GALNT13: variants seen among roughly 807,000 people sequenced by gnomAD.
GALNT13 encodes UDP-GalNAc:polypeptide N-acetylgalactosaminyltransferase 13.
Under a neutral mutation model 64.2 loss-of-function variants are expected in GALNT13, and 28 were observed. That is an observed-to-expected ratio of 0.44 (90% CI 0.32 to 0.60). The LOEUF is 0.60. Among genes scored for constraint, GALNT13 ranks in the 20% least tolerant of loss-of-function variants. GALNT13 has a pLI of 0.05. For synonymous variants in GALNT13, 214 were observed against 224.6 expected, an observed-to-expected ratio of 0.95 and a Z score of 0.42; for missense variants, 577 against 669.8, an observed-to-expected ratio of 0.86 and a Z score of 1.53.
the GALNT13 span, among the ~76,000 whole-genome samples, chr2:153,493,505 TACTC>T: frequency 6.6e-6 from 1 of 152,016 alleles, no homozygotes; most frequent in African/African-American, 2.4e-5. Context: ...AAAGCCTTCT[TACTC>T]AGAAATTTTC....
At chr2:153,143,438 T>A in the GALNT13 span, among the ~76,000 whole-genome samples, 19 of 152,178 alleles carry the variant, frequency 1.2e-4, no homozygotes, top group Non-Finnish European at 2.4e-4. Context: ...TCATCCTGCC[T>A]GTTTCCTTCC....
At chr2:153,589,925 T>C in the GALNT13 span, among the ~76,000 whole-genome samples, 2 of 151,746 alleles carry the variant, frequency 1.3e-5, no homozygotes, top group Admixed American at 6.6e-5. Context: ...AGCAGAAAAA[T>C]TAAAAGTCAA....
the GALNT13 span, among the ~76,000 whole-genome samples, chr2:153,076,397 A>G: frequency 6.6e-6 from 1 of 151,994 alleles, no homozygotes; most frequent in Non-Finnish European, 1.5e-5. Flanking sequence ...TTTTCCCAGT[A>G]TATTATTTGT....
the GALNT13 span, among the ~76,000 whole-genome samples, chr2:153,465,338 G>C: frequency 1.3e-5 from 2 of 151,932 alleles, no homozygotes; most frequent in East Asian, 3.9e-4. Flanking sequence ...TTGCAGTTCT[G>C]TGCAGATTCT....
chr2:154,291,220 C>T (rs1486973577), intron 8 of GALNT13, among the ~76,000 whole-genome samples: 2 of 152,126 alleles, frequency 1.3e-5, no homozygotes, highest in African/African-American at 2.4e-5. Context: ...GCTGATTGGG[C>T]TGTTTTCACA....
chr2:153,911,859 G>A (rs781398824), intron 2 of GALNT13, among the ~76,000 whole-genome samples: 8 of 151,954 alleles, frequency 5.3e-5, no homozygotes, highest in Non-Finnish European at 1.2e-4. Flanking sequence ...TTCAGCCTTG[G>A]AGAATATGAT....
chr2:154,107,863 G>A (rs1168347151), intron 3 of GALNT13, among the ~76,000 whole-genome samples: 1 of 151,886 alleles, frequency 6.6e-6, no homozygotes, highest in Non-Finnish European at 1.5e-5. Flanking sequence ...TGTAGTAATT[G>A]TATATCTATG....
chr2:153,265,745 C>T, the GALNT13 span, among the ~76,000 whole-genome samples: 1 of 152,150 alleles, frequency 6.6e-6, no homozygotes, highest in Non-Finnish European at 1.5e-5. Flanking sequence ...TTCTATTCAG[C>T]TATTTTGCTC....
At chr2:153,419,307 A>G in the GALNT13 span, among the ~76,000 whole-genome samples, 2 of 152,224 alleles carry the variant, frequency 1.3e-5, no homozygotes, top group Non-Finnish European at 2.9e-5. Flanking sequence ...CCATGATTCA[A>G]TTATCTCCAC....
chr2:153,380,192 A>G, the GALNT13 span, among the ~76,000 whole-genome samples: 1 of 152,138 alleles, frequency 6.6e-6, no homozygotes, highest in African/African-American at 2.4e-5. Context: ...GGATGGTTGC[A>G]CCTGTACTGA....
chr2:154,432,124 A>T (rs1385945996), intron 11 of GALNT13, among the ~76,000 whole-genome samples: 1 of 152,234 alleles, frequency 6.6e-6, no homozygotes, highest in African/African-American at 2.4e-5. Context: ...TCAGAAGCAG[A>T]AATCATTACG....
the GALNT13 span, among the ~76,000 whole-genome samples, chr2:153,644,108 A>G: frequency 2.6e-5 from 4 of 152,062 alleles, no homozygotes; most frequent in Non-Finnish European, 5.9e-5. Flanking sequence ...GAAAGGAGGG[A>G]CACTGTCATT....
At chr2:154,105,824 G>T (rs555873534) in intron 3 of GALNT13, among the ~76,000 whole-genome samples, 2 of 152,264 alleles carry the variant, frequency 1.3e-5, no homozygotes, top group East Asian at 3.9e-4. Flanking sequence ...GTGCAGTGAA[G>T]AGACTAAATT....
intron 11 of GALNT13, among the ~76,000 whole-genome samples, chr2:154,430,563 CTG>C (rs1279241255): frequency 6.6e-6 from 1 of 152,132 alleles, no homozygotes; most frequent in African/African-American, 2.4e-5. Context: ...GCTGTGAACA[CTG>C]TTGAAATGAC....
At chr2:153,309,478 A>G in the GALNT13 span, among the ~76,000 whole-genome samples, 1 of 151,922 alleles carries the variant, frequency 6.6e-6, no homozygotes, top group African/African-American at 2.4e-5. Flanking sequence ...ATCTTTCACC[A>G]CTTCTCCCTA....
chr2:153,474,218 G>A, the GALNT13 span, among the ~76,000 whole-genome samples: 5 of 152,166 alleles, frequency 3.3e-5, no homozygotes, highest in African/African-American at 4.8e-5. Flanking sequence ...GAGAGAACAC[G>A]TTAAACCAAT....
the GALNT13 span, among the ~76,000 whole-genome samples, chr2:153,380,385 T>C: frequency 6.6e-6 from 1 of 152,046 alleles, no homozygotes; most frequent in African/African-American, 2.4e-5. Flanking sequence ...AGGCAGAAGA[T>C]TGCTTAAGCA....
chr2:153,824,433 G>A, the GALNT13 span, among the ~76,000 whole-genome samples: 1,446 of 152,186 alleles, frequency 9.5e-3, 18 homozygotes, highest in Admixed American at 0.012. Flanking sequence ...TGTCTTTTTG[G>A]TAATTATATC....
chr2:153,666,552 GC>G, the GALNT13 span, among the ~76,000 whole-genome samples: 1 of 152,206 alleles, frequency 6.6e-6, no homozygotes, highest in African/African-American at 2.4e-5. Context: ...AGAGTGCTGA[GC>G]TGAGCCTTGG....
Sources: gnomAD v4.1 joint callset for allele counts (sites outside exome capture counted in the v4.1 genomes callset) on GRCh38, gnomAD v4.1.1 for gene constraint, MANE v1.5 for transcripts, NCBI Gene and HGNC (gene_info 2026-07-23, HGNC 2026-07-21) for gene names.